The following TACC2 variants were observed in gnomAD, a reference collection of about 807,000 sequenced individuals.
The protein encoded by TACC2 is transforming acidic coiled-coil-containing protein 2.
TACC2 carries 137 observed loss-of-function variants against 227.3 expected under a neutral mutation model. That is an observed-to-expected ratio of 0.60 (90% confidence interval 0.52 to 0.69). The LOEUF (loss-of-function observed/expected upper bound fraction) is 0.69. Among genes scored for constraint, TACC2 ranks in the 30% least tolerant of loss-of-function variants. The pLI is 0.00. For missense variants in TACC2, 3,470 were observed against 3,694.4 expected (o/e 0.94, Z 1.57); for synonymous variants, 1,523 against 1,487.5 (o/e 1.02, Z -0.55).
intron 2 of TACC2, among the ~76,000 whole-genome samples, chr10:122,025,795 C>G (rs1957920499): frequency 7.1e-6 from 1 of 141,738 alleles, no homozygotes; most frequent in Admixed American, 7.1e-5. Context: ...AGGATGCTCT[C>G]AATCTCCTGA....
rs532147977 is a variant in TACC2 at position 122,082,796 on chromosome 10, C to G, written c.296C>G (p.Pro99Arg). The change falls in exon 4 of 23, where the codon CCA (proline) becomes CGA (arginine). Residue 99 changes from proline to arginine, a missense_variant. By Grantham distance (103) the Pro-to-Arg change is moderately radical. This residue lies in a region of TACC2 where 405 missense variants were observed against 389.6 expected (regional missense o/e 1.04). Transcript: ENST00000369005. Reference protein sequence around the residue: ...GPEGSLLPSPPPSQEREHPSS... With the variant: ...GPEGSLLPSPRPSQEREHPSS... ...GAAGGTTCTTTGCTGCCCAGCCCACCACCGTCCCAGGAGCGAGAGCACCCC... is the reference window on the plus strand; with the variant it reads ...GAAGGTTCTTTGCTGCCCAGCCCACGACCGTCCCAGGAGCGAGAGCACCCC... 8 of 1,613,842 alleles carry G rather than the reference C, an allele frequency of 5.0e-6. No individual in the cohort carries two copies. In the African/African-American group the frequency reaches 6.7e-5, roughly 13 times the overall value.
intron 7 of TACC2, among the ~76,000 whole-genome samples, chr10:122,171,123 G>C (rs952387896): frequency 6.6e-6 from 1 of 152,048 alleles, no homozygotes; most frequent in Non-Finnish European, 1.5e-5. Context: ...TGGGTCTTTT[G>C]TACAGTGCAC....
At chr10:122,139,707 C>T (rs1213584057) in intron 6 of TACC2, among the ~76,000 whole-genome samples, 1 of 152,130 alleles carries the variant, frequency 6.6e-6, no homozygotes, top group Non-Finnish European at 1.5e-5. Flanking sequence ...TTGGGAATTT[C>T]GGAAGAAAAA....
intron 7 of TACC2, among the ~76,000 whole-genome samples, chr10:122,147,420 C>T (rs1275079266): frequency 6.6e-6 from 1 of 152,208 alleles, no homozygotes. Flanking sequence ...GCTGGGATTA[C>T]AGGCATGAGC....
At chr10:122,168,050 CTTTTTTTTTTT>C (rs57366476) in intron 7 of TACC2, among the ~76,000 whole-genome samples, 50,327 of 131,968 alleles carry the variant, frequency 0.38, 8,691 homozygotes, top group East Asian at 0.56. Context: ...CCATGCCCAG[CTTTTTTTTTTT>C]TTTTTTTTTT....
In TACC2 at chr10:122,087,181, C is replaced by T. The variant is rs2080180847; in HGVS notation, c.4681C>T (p.Pro1561Ser). Residue 1561 changes from proline (P) to serine (S), a missense_variant, in exon 4 of 23, where the codon CCT (proline) becomes TCT (serine). Pro to Ser is a moderately conservative substitution (Grantham distance 74). This residue lies in a region of TACC2 where 1,924 missense variants were observed against 1,978.3 expected (regional missense o/e 0.97). Transcript: ENST00000369005. Reference protein sequence around the residue: ...RSRQELASGLPSPAATQELPV... With the variant: ...RSRQELASGLSSPAATQELPV... Reference sequence around the variant, plus strand: ...CAGGCAGGAATTAGCTTCAGGTCTTCCTTCACCAGCAGCTACTCAGGAGCT... The same window carrying T: ...CAGGCAGGAATTAGCTTCAGGTCTTTCTTCACCAGCAGCTACTCAGGAGCT... The T allele has an allele frequency of 2.5e-6, 4 of 1,611,598 alleles. No individual in the cohort carries two copies. The highest frequency in any genetic ancestry group is 1.3e-5 in the African/African-American group (1 of 74,996).
rs267602392 is a variant in TACC2 at position 122,211,648 on chromosome 10, A to G, written c.7223A>G (p.Asn2408Ser). 1.9e-6 allele frequency: 3 copies of G among 1,607,594 alleles called. No homozygotes were observed. Among genetic ancestry groups the G allele is most frequent in the African/African-American group, 1.3e-5 (1 of 74,444 alleles). Residue 2408 changes from asparagine (N) to serine (S), a missense_variant, in exon 9 of 23, where the codon AAT becomes AGT. By Grantham distance (46) the Asn-to-Ser change is conservative. Transcript: ENST00000369005. ...ATCCCAGCCAGTGCTATGGAAGCCA[A>G]TGGAGTGGACGGGGATGGGCTAAAC... ...FEIPASAMEA[N>S]GVDGDGLNKP...
chr10:122,052,933 C>T (rs778008566), intron 3 of TACC2, among the ~76,000 whole-genome samples: 3 of 152,194 alleles, frequency 2.0e-5, no homozygotes, highest in Non-Finnish European at 2.9e-5. Flanking sequence ...CTGTCCTTGG[C>T]GTCACCAACA....
intron 3 of TACC2, among the ~76,000 whole-genome samples, chr10:122,056,727 C>A (rs1389033166): frequency 1.3e-5 from 2 of 152,154 alleles, no homozygotes; most frequent in East Asian, 3.9e-4. Context: ...AACTGGACCT[C>A]TCTAGGGCTG....
At chr10:122,222,668 A>G (rs2095543926) in intron 11 of TACC2, among the ~76,000 whole-genome samples, 1 of 152,212 alleles carries the variant, frequency 6.6e-6, no homozygotes, top group Non-Finnish European at 1.5e-5. Flanking sequence ...AGCCACCAGA[A>G]GAGCTGAGGT....
At chr10:122,000,357 C>T (rs144757339) in intron 1 of TACC2, among the ~76,000 whole-genome samples, 2,956 of 152,004 alleles carry the variant, frequency 0.019, 88 homozygotes, top group African/African-American at 0.066. Context: ...CCAGCCTGGG[C>T]GACAGAATGA....
chr10:122,027,901 G>A (rs1958254831), intron 2 of TACC2, among the ~76,000 whole-genome samples: 1 of 151,452 alleles, frequency 6.6e-6, no homozygotes, highest in Non-Finnish European at 1.5e-5. Flanking sequence ...CTGTCACCAT[G>A]CCCAGCTAAT....
At chr10:122,116,372 G>A (rs1203359836) in intron 5 of TACC2, among the ~76,000 whole-genome samples, 1 of 152,174 alleles carries the variant, frequency 6.6e-6, no homozygotes, top group East Asian at 1.9e-4. Context: ...TTGAGATAAA[G>A]CAAAGTCCCC....
chr10:122,052,480 C>G (rs1424231453), intron 3 of TACC2: 1 of 152,118 alleles, frequency 6.6e-6, no homozygotes, highest in African/African-American at 2.4e-5. Context: ...GTCAGGAGAT[C>G]CAGACCACCC....
chr10:122,067,593 G>A (rs1265159175), intron 3 of TACC2, among the ~76,000 whole-genome samples: 3 of 144,488 alleles, frequency 2.1e-5, no homozygotes, highest in South Asian at 2.3e-4. Flanking sequence ...TGCAACCTCC[G>A]CCTCCCAGGT....
chr10:122,000,401 G>A (rs781716157), intron 1 of TACC2, among the ~76,000 whole-genome samples: 2 of 152,072 alleles, frequency 1.3e-5, no homozygotes, highest in Non-Finnish European at 2.9e-5. Flanking sequence ...GAAAGAAAAT[G>A]CAAATCAAAA....
intron 8 of TACC2, among the ~76,000 whole-genome samples, chr10:122,201,232 G>A (rs1339452252): frequency 1.3e-5 from 2 of 151,580 alleles, no homozygotes; most frequent in Non-Finnish European, 2.9e-5. Flanking sequence ...GCCCACAGTG[G>A]CCACATCTAC....
chr10:122,155,918 A>G (rs1471137345), intron 7 of TACC2, among the ~76,000 whole-genome samples: 1 of 149,028 alleles, frequency 6.7e-6, no homozygotes, highest in Admixed American at 6.7e-5. Flanking sequence ...GCTCACTGCA[A>G]TCTCCGCCTC....
intron 11 of TACC2, among the ~76,000 whole-genome samples, chr10:122,220,294 G>A (rs1399328785): frequency 6.6e-6 from 1 of 151,994 alleles, no homozygotes; most frequent in Non-Finnish European, 1.5e-5. Flanking sequence ...GTTTTTTTCT[G>A]TAAAAATTGA....
Sources: gnomAD v4.1 joint callset for allele counts (sites outside exome capture counted in the v4.1 genomes callset) on GRCh38, gnomAD v4.1.1 for gene constraint, gnomAD v4.1.1 regional missense constraint, MANE v1.5 for transcripts, NCBI Gene and HGNC (gene_info 2026-07-23, HGNC 2026-07-21) for gene names.